AKAIN1: variants seen among roughly 807,000 people sequenced by gnomAD.
AKAIN1 encodes A-kinase anchor inhibitor 1, also known as A-kinase anchor protein inhibitor 1.
A neutral mutation model predicts 3.7 loss-of-function variants in AKAIN1; 3 were observed. The ratio of observed to expected loss-of-function variants is 0.82; its 90% CI spans 0.37 to 2.12. AKAIN1 has a LOEUF of 2.12. AKAIN1 is among the 30% of genes most tolerant of loss of function. AKAIN1 has a pLI of 0.06. For synonymous variants in AKAIN1, 31 were observed against 30.8 expected, an observed-to-expected ratio of 1.01 and a Z score of -0.02; for missense variants, 82 against 82.7, an observed-to-expected ratio of 0.99 and a Z score of 0.03.
chr18:5,193,405 A>T, intron 1 of AKAIN1, among the ~76,000 whole-genome samples: 1 of 152,212 alleles, frequency 6.6e-6, no homozygotes, highest in East Asian at 1.9e-4. Context: ...TCCCTGAATT[A>T]TATATTAATC....
intron 1 of AKAIN1, among the ~76,000 whole-genome samples, chr18:5,171,418 G>A (rs1489818555): frequency 6.6e-6 from 1 of 152,032 alleles, no homozygotes; most frequent in Non-Finnish European, 1.5e-5. Flanking sequence ...CAGAATGGAA[G>A]AAAATGTTTG....
chr18:5,162,383 A>G (rs1234000542), intron 1 of AKAIN1, among the ~76,000 whole-genome samples: 1 of 152,038 alleles, frequency 6.6e-6, no homozygotes, highest in Non-Finnish European at 1.5e-5. Context: ...TTCAACTTCT[A>G]TTCAGCATCT....
chr18:5,172,145 A>G (rs2071201146), intron 1 of AKAIN1, among the ~76,000 whole-genome samples: 1 of 152,286 alleles, frequency 6.6e-6, no homozygotes, highest in South Asian at 2.1e-4. Flanking sequence ...AAGTTAAAAC[A>G]GTTGAACTCT....
chr18:5,172,788 A>G (rs1012053592), intron 1 of AKAIN1, among the ~76,000 whole-genome samples: 1 of 152,000 alleles, frequency 6.6e-6, no homozygotes, highest in Non-Finnish European at 1.5e-5. Context: ...AATTTATACC[A>G]TATTTATAAA....
At chr18:5,153,491 G>C in intron 1 of AKAIN1, among the ~76,000 whole-genome samples, 1 of 151,326 alleles carries the variant, frequency 6.6e-6, no homozygotes, top group East Asian at 1.9e-4. Context: ...CAGATATATG[G>C]AACACCTGAT....
rs190651696 is a variant in AKAIN1 at position 5,163,961 on chromosome 18, A to G, written c.17-18206T>C. Among the ~76,000 whole-genome samples the G allele has an allele frequency of 8.5e-4, 129 of 152,192 alleles. 1 individual carries two copies. The East Asian group carries it at 0.021, about 25-fold the overall frequency. On this transcript the variant is annotated intron_variant, in intron 1 of 1. Coordinates refer to ENST00000434239, the MANE Select transcript of AKAIN1 (RefSeq NM_001145194.2). Reference sequence around the variant, plus strand: ...ATGTACTGAGCAGCTTATTTTTAAAATTGAATAATACAACTATTATGCCTT... The same window carrying G: ...ATGTACTGAGCAGCTTATTTTTAAAGTTGAATAATACAACTATTATGCCTT...
intron 1 of AKAIN1, among the ~76,000 whole-genome samples, chr18:5,172,463 A>C (rs2071203090): frequency 6.6e-6 from 1 of 152,112 alleles, no homozygotes; most frequent in African/African-American, 2.4e-5. Context: ...AAATTTAAAA[A>C]AAATTTTAAA....
intron 1 of AKAIN1, among the ~76,000 whole-genome samples, chr18:5,169,298 A>G (rs572185693): frequency 6.6e-6 from 1 of 152,232 alleles, no homozygotes; most frequent in African/African-American, 2.4e-5. Flanking sequence ...ATATCTTTAA[A>G]AATATCCTAC....
chr18:5,158,765 T>C (rs1397167191), intron 1 of AKAIN1, among the ~76,000 whole-genome samples: 1 of 144,178 alleles, frequency 6.9e-6, no homozygotes, highest in Non-Finnish European at 1.5e-5. Flanking sequence ...GCCAACACTC[T>C]GAGGCTCTGT....
intron 1 of AKAIN1, among the ~76,000 whole-genome samples, chr18:5,194,467 T>C (rs1332078222): frequency 2.0e-5 from 3 of 152,202 alleles, no homozygotes; most frequent in Non-Finnish European, 4.4e-5. Context: ...TAAGACTAAA[T>C]CCTAAATAGG....
chr18:5,195,345 C>T (rs543646914), intron 1 of AKAIN1, among the ~76,000 whole-genome samples: 18 of 152,174 alleles, frequency 1.2e-4, no homozygotes, highest in Non-Finnish European at 1.6e-4. Flanking sequence ...AGAAATTCCC[C>T]ACTGTTCATT....
chr18:5,186,536 A>G (rs1191752812), intron 1 of AKAIN1, among the ~76,000 whole-genome samples: 1 of 152,120 alleles, frequency 6.6e-6, no homozygotes, highest in African/African-American at 2.4e-5. Context: ...GCTTCAAAAT[A>G]CATACCACTA....
chr18:5,180,976 A>C (rs2071254479), intron 1 of AKAIN1, among the ~76,000 whole-genome samples: 1 of 152,050 alleles, frequency 6.6e-6, no homozygotes, highest in Admixed American at 6.6e-5. Context: ...CCACAGCAAC[A>C]CTTCTCTTAG....
At chr18:5,182,283 A>G (rs2071262760) in intron 1 of AKAIN1, among the ~76,000 whole-genome samples, 1 of 152,120 alleles carries the variant, frequency 6.6e-6, no homozygotes, top group Non-Finnish European at 1.5e-5. Context: ...CTGATGATCC[A>G]ATGTTGAGAT....
At chr18:5,197,516 A>AAAAAAAAAC, upstream of AKAIN1, 4 of 1,211,920 alleles carry the variant, frequency 3.3e-6, no homozygotes, top group Non-Finnish European at 4.1e-6. This position sits in a 1 kb window ranked among gnomAD's most constrained non-coding sequence, Gnocchi z 6.9. Context: ...AAAAAAAAAA[A>AAAAAAAAAC]CTCTAAGAGC....
chr18:5,197,494 A>G (rs1265297621), upstream of AKAIN1: 63 of 1,092,476 alleles, frequency 5.8e-5, no homozygotes, highest in Admixed American at 1.0e-4. The surrounding 1 kb of genome is among the most constrained non-coding windows in gnomAD (Gnocchi z 6.9). Flanking sequence ...GACATTTAAG[A>G]TAGATTTGTC....
intron 1 of AKAIN1, among the ~76,000 whole-genome samples, chr18:5,183,177 T>G (rs2071268669): frequency 6.6e-6 from 1 of 152,030 alleles, no homozygotes. Context: ...CTATGTCTTT[T>G]TTAAAAATGA....
At chr18:5,147,089 A>G (rs750089935) in intron 1 of AKAIN1, among the ~76,000 whole-genome samples, 4 of 152,246 alleles carry the variant, frequency 2.6e-5, no homozygotes, top group Non-Finnish European at 5.9e-5. Flanking sequence ...GTAAAGTCAG[A>G]TAAAGGCCTT....
chr18:5,158,798 A>G (rs1216531810), intron 1 of AKAIN1, among the ~76,000 whole-genome samples: 1 of 152,202 alleles, frequency 6.6e-6, no homozygotes, highest in Non-Finnish European at 1.5e-5. Context: ...GTGCCGAGAA[A>G]GCCCTTGTTT....
Sources: gnomAD v4.1 joint callset for allele counts (sites outside exome capture counted in the v4.1 genomes callset) on GRCh38, gnomAD v4.1.1 for gene constraint, Gnocchi (gnomAD v3.1) non-coding constraint, MANE v1.5 for transcripts, NCBI Gene and HGNC (gene_info 2026-07-23, HGNC 2026-07-21) for gene names.